CAPN13: variants seen among roughly 807,000 people sequenced by gnomAD.
CAPN13 encodes calpain-13.
In CAPN13, 90 loss-of-function variants were observed where a neutral mutation model predicts 98.4. The ratio of observed to expected loss-of-function variants is 0.92; its 90% confidence interval spans 0.77 to 1.09. The LOEUF is 1.09. Ranked by LOEUF, CAPN13 falls within the 50% of genes least tolerant of loss-of-function variation. The probability of loss-of-function intolerance (pLI) is 0.00; values close to 1 mark genes in which losing one functional copy is unlikely to be tolerated. For synonymous variants in CAPN13, 330 were observed against 305.5 expected, an observed-to-expected ratio of 1.08 and a Z score of -0.84; for missense variants, 887 against 841.3, an observed-to-expected ratio of 1.05 and a Z score of -0.67.
At chr2:30,752,805 T>A (rs929750848) in intron 10 of CAPN13, among the ~76,000 whole-genome samples, 3 of 152,194 alleles carry the variant, frequency 2.0e-5, no homozygotes, top group Admixed American at 1.3e-4. Flanking sequence ...AGGGTGTTAG[T>A]GGAAGGATAT....
chr2:30,782,990 G>A (rs897859139), intron 2 of CAPN13, among the ~76,000 whole-genome samples: 3 of 152,170 alleles, frequency 2.0e-5, no homozygotes, highest in Non-Finnish European at 4.4e-5. Context: ...AGTGGCTACT[G>A]TATTGAACAG....
chr2:30,755,680 G>A (rs1375299949), intron 8 of CAPN13, among the ~76,000 whole-genome samples: 1 of 152,208 alleles, frequency 6.6e-6, no homozygotes, highest in Admixed American at 6.5e-5. Flanking sequence ...GGATGAGCTT[G>A]CATGGGGAGC....
intron 1 of CAPN13, among the ~76,000 whole-genome samples, chr2:30,797,428 T>C (rs1022769428): frequency 1.3e-5 from 2 of 152,212 alleles, no homozygotes; most frequent in Non-Finnish European, 2.9e-5. Flanking sequence ...TGTCTCTTAC[T>C]GACTGAATGA....
At chr2:30,772,923 T>C (rs2148042755) in intron 4 of CAPN13, among the ~76,000 whole-genome samples, 1 of 152,126 alleles carries the variant, frequency 6.6e-6, no homozygotes, top group South Asian at 2.1e-4. Flanking sequence ...GACTCCCTGG[T>C]TCAAGGATTC....
chr2:30,740,278 A>G (rs924734632), intron 15 of CAPN13, among the ~76,000 whole-genome samples: 9 of 151,958 alleles, frequency 5.9e-5, no homozygotes, highest in African/African-American at 2.2e-4. Context: ...TGTTTTTAGT[A>G]GAGATGGGGT....
At position 30,792,423 on chromosome 2, in the gene CAPN13, A is replaced by G. The variant is rs116692666; in HGVS notation, c.-32-5066T>C. On this transcript the variant is annotated intron_variant, in intron 1 of 22. Transcript: ENST00000295055. The stretch of plus-strand genomic sequence containing the variant: ...ATTAAAGGGCTAATAAGAGAATACT[A>G]TGAACCACCCAATGCCAACAAATCT... 5.2e-3 allele frequency among the ~76,000 whole-genome samples: 785 copies of G among 152,268 alleles called. 7 individuals carry two copies. The highest frequency in any genetic ancestry group is 0.018 in the African/African-American group (746 of 41,576).
chr2:30,784,078 G>T (rs1419081911), intron 2 of CAPN13, among the ~76,000 whole-genome samples: 2 of 152,050 alleles, frequency 1.3e-5, no homozygotes, highest in African/African-American at 4.8e-5. Context: ...TACTCAGGAG[G>T]CTGAGGCAGG....
chr2:30,757,852 G>C (rs1025066967), intron 8 of CAPN13, among the ~76,000 whole-genome samples, 194 bp downstream of exon 8: 1 of 152,230 alleles, frequency 6.6e-6, no homozygotes, highest in African/African-American at 2.4e-5. Context: ...GGTGTACACA[G>C]TAGGTGCCCC....
chr2:30,788,977 G>A (rs987430439), intron 1 of CAPN13, among the ~76,000 whole-genome samples: 7 of 152,098 alleles, frequency 4.6e-5, no homozygotes, highest in Admixed American at 6.5e-5. Context: ...AGTTTCATAG[G>A]GTTTAACCTA....
At chr2:30,760,175 C>T (rs1672769129) in intron 7 of CAPN13, among the ~76,000 whole-genome samples, 1 of 152,222 alleles carries the variant, frequency 6.6e-6, no homozygotes, top group Non-Finnish European at 1.5e-5. Context: ...CTCCGCCTCC[C>T]GGGTTCATGC....
intron 20 of CAPN13, 57 bp downstream of exon 20, chr2:30,732,381 C>G (rs888807843): frequency 2.2e-5 from 35 of 1,605,992 alleles, no homozygotes; most frequent in Non-Finnish European, 2.8e-5. Context: ...GTCCGGTCCT[C>G]TCCTGTGTTC....
At chr2:30,776,144 T>C in intron 3 of CAPN13, 99 bp from the exon 4 acceptor site, 1 of 672,550 alleles carries the variant, frequency 1.5e-6, no homozygotes, top group Non-Finnish European at 2.4e-6. Flanking sequence ...ACACAATTCC[T>C]TCTAAATAAT....
chr2:30,760,146 G>C (rs139107319), intron 7 of CAPN13, among the ~76,000 whole-genome samples: 1 of 152,066 alleles, frequency 6.6e-6, no homozygotes, highest in African/African-American at 2.4e-5. Flanking sequence ...GCAGTGGCAC[G>C]ATCTCGGCTC....
At chr2:30,784,253 C>G (rs1354355513) in intron 2 of CAPN13, among the ~76,000 whole-genome samples, 1 of 152,066 alleles carries the variant, frequency 6.6e-6, no homozygotes, top group African/African-American at 2.4e-5. Context: ...TTCTTTCAGC[C>G]CCTGACCCAC....
chr2:30,770,772 C>T (rs1673363198), intron 4 of CAPN13, among the ~76,000 whole-genome samples: 1 of 152,210 alleles, frequency 6.6e-6, no homozygotes. Flanking sequence ...AAGTGAAACT[C>T]TCCAGGTACT....
chr2:30,797,733 G>A (rs1402944187), intron 1 of CAPN13, among the ~76,000 whole-genome samples: 31 of 152,214 alleles, frequency 2.0e-4, no homozygotes, highest in Admixed American at 2.0e-3. Flanking sequence ...GGTCTCTCCA[G>A]GTTCCAGAGT....
rs536158096 is a variant in CAPN13 at position 30,741,143 on chromosome 2, G to A, written c.1536+765C>T. On this transcript the variant is annotated intron_variant, in intron 15 of 22. Transcript: ENST00000295055. ...GCTGGTACTGACTTCATGGAGGTCCGTGTTCCTGTGTACAGCTGCTCTTTG... is the reference window on the plus strand; with the variant it reads ...GCTGGTACTGACTTCATGGAGGTCCATGTTCCTGTGTACAGCTGCTCTTTG... 6.6e-5 allele frequency among the ~76,000 whole-genome samples: 10 copies of A among 152,242 alleles called. 1 individual carries two copies. The highest frequency in any genetic ancestry group is 2.2e-4 in the African/African-American group (9 of 41,526).
At chr2:30,801,791 T>C (rs1327153909) in intron 1 of CAPN13, among the ~76,000 whole-genome samples, 1 of 151,912 alleles carries the variant, frequency 6.6e-6, no homozygotes, top group Non-Finnish European at 1.5e-5. Flanking sequence ...AGGAATGAGA[T>C]GGCCCAGACG....
At chr2:30,787,079 C>T (rs750984715) in intron 2 of CAPN13, 49 bp downstream of exon 2, 121 of 1,436,420 alleles carry the variant, frequency 8.4e-5, no homozygotes, top group Middle Eastern at 5.1e-4. Flanking sequence ...CCATGGCAGG[C>T]GACTCCGAGG....
Sources: allele counts gnomAD v4.1 joint callset (sites outside exome capture counted in the v4.1 genomes callset), GRCh38; gene constraint gnomAD v4.1.1; transcripts MANE v1.5; gene names NCBI Gene and HGNC (gene_info 2026-07-23, HGNC 2026-07-21).